CFH: variants seen among roughly 807,000 people sequenced by gnomAD.
The protein encoded by CFH is H factor 1 (complement).
CFH carries 53 observed loss-of-function variants against 147.3 expected under a neutral mutation model. The observed-to-expected ratio is 0.36, with a 90% CI of 0.29 to 0.45. CFH has a LOEUF of 0.45. Ranked by LOEUF, CFH falls within the 20% of genes least tolerant of loss-of-function variation. The pLI, the probability that CFH is intolerant of heterozygous loss-of-function variation, is 1.00. For synonymous variants in CFH, 536 were observed against 489.4 expected (o/e 1.10, Z -1.26); for missense variants, 1,380 against 1,498.0 (o/e 0.92, Z 1.30).
chr1:196,679,073 T>A (rs902081002), intron 5 of CFH: 1 of 152,744 alleles, frequency 6.5e-6, no homozygotes, highest in Non-Finnish European at 1.5e-5. Context: ...TACTTATGAT[T>A]GGCACAATCC....
intron 1 of CFH, among the ~76,000 whole-genome samples, chr1:196,669,976 C>T (rs573943364): frequency 1.3e-5 from 2 of 152,286 alleles, no homozygotes; most frequent in South Asian, 2.1e-4. Flanking sequence ...GGGAGCTCAC[C>T]TCTTGCATCA....
intron 7 of CFH, 140 bp downstream of exon 7, chr1:196,685,377 C>T (rs983224995): frequency 1.5e-5 from 13 of 870,278 alleles, no homozygotes; most frequent in Admixed American, 2.2e-5. Flanking sequence ...CTTTAGTTTT[C>T]GAAGTTGCCG....
intron 7 of CFH, among the ~76,000 whole-genome samples, chr1:196,688,258 C>A (rs1667895587): frequency 6.6e-6 from 1 of 151,790 alleles, no homozygotes; most frequent in Non-Finnish European, 1.5e-5. Context: ...ATATAATAAA[C>A]AAGATAGCAC....
intron 7 of CFH, among the ~76,000 whole-genome samples, chr1:196,687,237 G>A (rs936002337): frequency 1.3e-5 from 2 of 152,028 alleles, no homozygotes; most frequent in African/African-American, 4.8e-5. Flanking sequence ...CACCATAAAT[G>A]CTGTGAAACC....
At chr1:196,675,723 T>C (rs1275182568) in intron 3 of CFH, among the ~76,000 whole-genome samples, 2 of 151,754 alleles carry the variant, frequency 1.3e-5, no homozygotes, top group Middle Eastern at 3.2e-3. Context: ...GAGAGAAAGA[T>C]AAAGGGAGAG....
Position 196,747,217 on chromosome 1 carries a change from G to A in CFH, c.3600G>A (p.Val1200=), listed in dbSNP as rs776558131. 6 of 1,613,800 alleles carry A rather than the reference G, an allele frequency of 3.7e-6. No homozygotes were observed. The highest frequency in any genetic ancestry group is 1.6e-4 in the Middle Eastern group (1 of 6,078). Residue 1200 remains valine, a synonymous_variant, in exon 22 of 22, where the codon GTG becomes GTA. Coordinates refer to ENST00000367429, the MANE Select transcript of CFH (RefSeq NM_000186.4). ...GAACAGGTGAATCAGTTGAATTTGT[G>A]TGTAAACGGGGATATCGTCTTTCAT... is the stretch of plus-strand genomic sequence containing the variant. The part of the protein sequence containing the change: ...YSRTGESVEF[V]CKRGYRLSSR...
At chr1:196,740,174 A>C (rs890116139) in intron 17 of CFH, among the ~76,000 whole-genome samples, 1 of 152,166 alleles carries the variant, frequency 6.6e-6, no homozygotes, top group Non-Finnish European at 1.5e-5. Flanking sequence ...ATTCACGATG[A>C]GATTTGGGTG....
chr1:196,747,081 T>C (rs1310269310), intron 21 of CFH, 30 bp from the exon 22 acceptor site: 5 of 1,612,988 alleles, frequency 3.1e-6, no homozygotes, highest in Non-Finnish European at 4.2e-6. Flanking sequence ...TACTACTTAA[T>C]GTTTTATGTT....
At chr1:196,661,073 G>A (rs188852949) in intron 1 of CFH, among the ~76,000 whole-genome samples, 1 of 152,042 alleles carries the variant, frequency 6.6e-6, no homozygotes. Context: ...CCTTTTGTGC[G>A]GAAGGGGCCG....
intron 1 of CFH, among the ~76,000 whole-genome samples, chr1:196,666,386 C>A (rs1667086942): frequency 6.6e-6 from 1 of 151,994 alleles, no homozygotes; most frequent in Non-Finnish European, 1.5e-5. Context: ...TCTCTCTAAT[C>A]AGTGCTTCAG....
At chr1:196,656,318 AAAAAAG>A (rs959215867) in intron 1 of CFH, among the ~76,000 whole-genome samples, 2 of 151,852 alleles carry the variant, frequency 1.3e-5, no homozygotes, top group African/African-American at 4.8e-5. Flanking sequence ...AGAAAAAAAA[AAAAAAG>A]AAAGAAAGAA....
chr1:196,689,716 G>C (rs1434527545), intron 8 of CFH, 102 bp downstream of exon 8: 11 of 1,308,244 alleles, frequency 8.4e-6, no homozygotes, highest in Non-Finnish European at 1.2e-5. Context: ...AACAGAAATA[G>C]GGCCAAGAAA....
chr1:196,687,298 C>G (rs1276313892), intron 7 of CFH, among the ~76,000 whole-genome samples: 1 of 151,894 alleles, frequency 6.6e-6, no homozygotes, highest in Non-Finnish European at 1.5e-5. Flanking sequence ...TATTTGAAGT[C>G]CTTCTATTCT....
chr1:196,728,292 A>G, intron 14 of CFH, 54 bp from the exon 15 acceptor site: 1 of 1,142,614 alleles, frequency 8.8e-7, no homozygotes, highest in South Asian at 1.7e-5. Context: ...TTTATGTAAT[A>G]GTTGGTTTGA....
chr1:196,688,737 A>G (rs945302193), intron 7 of CFH, among the ~76,000 whole-genome samples: 3 of 152,156 alleles, frequency 2.0e-5, no homozygotes, highest in South Asian at 4.1e-4. Flanking sequence ...CTGCTTTCTA[A>G]GTAGCTGGAA....
chr1:196,678,902 A>T (rs1667549267), intron 5 of CFH: 1 of 152,126 alleles, frequency 6.6e-6, no homozygotes, highest in Non-Finnish European at 1.5e-5. Context: ...CATAGTGCTG[A>T]GGTGCTGCAT....
At chr1:196,741,841 T>C in intron 18 of CFH, 34 bp from the exon 19 acceptor site, 1 of 1,601,064 alleles carries the variant, frequency 6.2e-7, no homozygotes, top group Non-Finnish European at 8.6e-7. Context: ...TTTTTAAAGA[T>C]TTGCGGAACA....
intron 9 of CFH, 142 bp from the exon 10 acceptor site, chr1:196,713,593 G>T: frequency 1.7e-6 from 1 of 572,490 alleles, no homozygotes; most frequent in Non-Finnish European, 3.1e-6. Flanking sequence ...TATTTTCCTT[G>T]ACTTAAGTAT....
intron 14 of CFH, among the ~76,000 whole-genome samples, chr1:196,727,818 G>T (rs1669183856): frequency 6.6e-6 from 1 of 152,110 alleles, no homozygotes; most frequent in Non-Finnish European, 1.5e-5. Flanking sequence ...AGGTAGTCAG[G>T]GACTGAGTCA....
Sources: allele counts gnomAD v4.1 joint callset (sites outside exome capture counted in the v4.1 genomes callset), GRCh38; gene constraint gnomAD v4.1.1; transcripts MANE v1.5; gene names NCBI Gene and HGNC (gene_info 2026-07-23, HGNC 2026-07-21).